The following USP9X variants were observed in gnomAD, a reference collection of about 807,000 sequenced individuals.
The protein encoded by USP9X is ubiquitin specific peptidase 9 X-linked.
A neutral mutation model predicts 190.3 loss-of-function variants in USP9X; 7 were observed. The ratio of observed to expected loss-of-function variants is 0.04; its 90% CI spans 0.02 to 0.07. The LOEUF (loss-of-function observed/expected upper bound fraction) is 0.07. Ranked by LOEUF, USP9X falls within the 10% of genes least tolerant of loss-of-function variation. The pLI is 1.00. For synonymous variants in USP9X, 645 were observed against 659.5 expected, an observed-to-expected ratio of 0.98 and a Z score of 0.34; for missense variants, 1,010 against 1,916.9, an observed-to-expected ratio of 0.53 and a Z score of 8.83.
chrX:41,228,650 TC>T (rs1464462848), intron 41 of USP9X, among the ~76,000 whole-genome samples: 3 of 111,955 alleles, frequency 2.7e-5, no homozygotes, highest in Admixed American at 1.9e-4. Flanking sequence ...TTTGCATTAC[TC>T]TCGAGTGTCC....
rs1311837686 is a variant in USP9X, at chrX:41,091,060, CAT to C, written c.-159+4954_-159+4955del. Among the ~76,000 whole-genome samples the C allele has an allele frequency of 2.7e-5, 3 of 111,438 alleles. No individual in the cohort carries two copies. The South Asian group carries it at 1.1e-3, about 42-fold the overall frequency. ...GAGATTACTGTTGTCTAGAAGCTAA[CAT>C]ATGAAGTGAGGTGGGCTGGACTAGC... On this transcript the variant is annotated intron_variant, in intron 1 of 44. Transcript: ENST00000378308.
intron 11 of USP9X, among the ~76,000 whole-genome samples, chrX:41,148,000 C>T (rs1263354422): frequency 9.0e-6 from 1 of 111,305 alleles, no homozygotes; most frequent in East Asian, 2.8e-4. Context: ...ACTCATAAAA[C>T]TTTTCCCATA....
chrX:41,216,456 TGAGTTGATAAGA>T lies in USP9X; in HGVS notation c.5890_5901del (p.Glu1964_Arg1967del). On this transcript the variant is annotated inframe_deletion, in exon 35 of 45. Coordinates refer to ENST00000378308, the MANE Select transcript of USP9X (RefSeq NM_001039591.3). ...GAATGGACACAATAGACCAAGATGA[TGAGTTGATAAGA>T]TATATATCAGAGCTTGCTATCACCA... The T allele has an allele frequency of 8.3e-7, 1 of 1,211,228 alleles. No homozygotes were observed. The highest frequency in any genetic ancestry group is 1.1e-6 in the Non-Finnish European group (1 of 895,394).
Position 41,170,452 on chromosome X carries a change from A to G in USP9X, c.2878-18A>G. ...ATTTTTCCTTGTTTTTGATATTAAC[A>G]TAGTATATAATTTTCAGCTTATTAC... On this transcript the variant is annotated intron_variant, in intron 19 of 44. Transcript: ENST00000378308. The G allele has an allele frequency of 8.3e-7, 1 of 1,202,915 alleles. No homozygotes were observed. Among genetic ancestry groups the G allele is most frequent in the Non-Finnish European group, 1.1e-6 (1 of 889,309 alleles).
Position 41,189,164 on chromosome X carries a change from G to A in USP9X, c.3811-145G>A, listed in dbSNP as rs747429851. 108 of 470,774 alleles carry A rather than the reference G, an allele frequency of 2.3e-4. No homozygotes were observed. The South Asian group carries it at 3.7e-3, about 16-fold the overall frequency. 38.8% of individuals were successfully genotyped at this position (470,774 alleles called of 1,213,427 possible). On this transcript the variant is annotated intron_variant, in intron 25 of 44. Transcript: ENST00000378308. ...GTCATTTCCAGACTATTCCAAAGGG[G>A]CCTCAAGAGTTAACATGCAGCCATG... is the stretch of plus-strand genomic sequence containing the variant.
chrX:41,157,226 C>T (rs1316152664), intron 14 of USP9X, among the ~76,000 whole-genome samples: 1 of 111,038 alleles, frequency 9.0e-6, no homozygotes, highest in Non-Finnish European at 1.9e-5. Flanking sequence ...TACATGTATC[C>T]CTGGCAGTCT....
chrX:41,233,723 G>A lies in USP9X; in HGVS notation c.*1199G>A, dbSNP rs954908101. Reference sequence around the variant, plus strand: ...CAAAACGTTTAACGTTCAAAGCAGGGTCTCATTAAAAAAGAAACTACTGGT... The same window carrying A: ...CAAAACGTTTAACGTTCAAAGCAGGATCTCATTAAAAAAGAAACTACTGGT... On this transcript the variant is annotated 3_prime_UTR_variant, in exon 45 of 45. Coordinates refer to ENST00000378308, the MANE Select transcript of USP9X (RefSeq NM_001039591.3). The A allele has an allele frequency of 3.6e-5, 4 of 111,735 alleles. No individual in the cohort carries two copies. Among genetic ancestry groups the A allele is most frequent in the African/African-American group, 1.3e-4 (4 of 30,697 alleles). The allele number at this position is 111,735 out of a possible 1,213,427, so 9.2% of individuals were successfully genotyped here.
At chrX:41,146,474 G>A (rs1230288199) in intron 11 of USP9X, among the ~76,000 whole-genome samples, 5 of 111,749 alleles carry the variant, frequency 4.5e-5, no homozygotes, top group African/African-American at 1.6e-4. Context: ...CTAGAGCCTA[G>A]TTTTTAAACA....
intron 1 of USP9X, among the ~76,000 whole-genome samples, chrX:41,092,182 T>G (rs948192508): frequency 1.8e-5 from 2 of 111,741 alleles, no homozygotes; most frequent in African/African-American, 3.3e-5. Context: ...GCATATTAGA[T>G]CCCATCTTCT....
At chrX:41,114,860 G>T (rs766679116) in intron 1 of USP9X, among the ~76,000 whole-genome samples, 1 of 110,551 alleles carries the variant, frequency 9.0e-6, no homozygotes, top group Admixed American at 9.7e-5. Flanking sequence ...TATGTTAGTC[G>T]CCTCTTTATG....
At chrX:41,113,963 A>G (rs982596684) in intron 1 of USP9X, among the ~76,000 whole-genome samples, 5 of 112,899 alleles carry the variant, frequency 4.4e-5, no homozygotes, top group Non-Finnish European at 9.4e-5. Context: ...AAATGTAAAG[A>G]TGGATTAAGT....
intron 29 of USP9X, among the ~76,000 whole-genome samples, chrX:41,197,871 G>T (rs1303292548): frequency 9.1e-6 from 1 of 109,653 alleles, no homozygotes; most frequent in East Asian, 2.9e-4. Flanking sequence ...AAAATTGCCA[G>T]GTGTGGTGGC....
At chrX:41,132,176 C>T (rs968721869) in intron 4 of USP9X, among the ~76,000 whole-genome samples, 1 of 110,894 alleles carries the variant, frequency 9.0e-6, no homozygotes, top group African/African-American at 3.3e-5. Context: ...GCTTTGTCAC[C>T]CAGGCTGGAG....
At chrX:41,178,084 CTTTTTTTTTTTTTTTT>C (rs758055868) in intron 21 of USP9X, among the ~76,000 whole-genome samples, 2 of 34,294 alleles carry the variant, frequency 5.8e-5, no homozygotes, top group Non-Finnish European at 9.9e-5. Flanking sequence ...AGGTTTAAAT[CTTTTTTTTTTTTTTTT>C]TTTTTTTTTT....
intron 1 of USP9X, among the ~76,000 whole-genome samples, chrX:41,094,454 G>A (rs1326842605): frequency 1.2e-4 from 13 of 109,699 alleles, no homozygotes; most frequent in African/African-American, 4.3e-4. Context: ...GGGATTACAG[G>A]TGTGAGCCAC....
intron 1 of USP9X, among the ~76,000 whole-genome samples, chrX:41,105,938 C>T (rs2062065629): frequency 8.9e-6 from 1 of 111,976 alleles, no homozygotes; most frequent in South Asian, 3.6e-4. Flanking sequence ...ATGTCTTACA[C>T]ATTCAGATCC....
intron 1 of USP9X, among the ~76,000 whole-genome samples, chrX:41,088,328 G>A (rs1309998447): frequency 9.0e-6 from 1 of 111,518 alleles, no homozygotes; most frequent in Non-Finnish European, 1.9e-5. Context: ...AATATCTTAA[G>A]GTATGAGATT....
In USP9X at chrX:41,131,511, A is replaced by G. The variant is rs1179871047; in HGVS notation, c.297A>G (p.Glu99=). ...AAGGGGAATTAGAAGTGCTTTTAGA[A>G]GCTGCTATTGATCTTAGTAAAAAGG... The part of the protein sequence containing the change: ...LPKGELEVLL[E]AAIDLSKKGL... Residue 99 remains glutamate, a synonymous_variant, in exon 4 of 45, where the codon GAA becomes GAG. Transcript: ENST00000378308. 8.3e-7 allele frequency: 1 copy of G among 1,208,667 alleles called. No individual in the cohort carries two copies. Among genetic ancestry groups the G allele is most frequent in the Admixed American group, 2.2e-5 (1 of 45,923 alleles).
At chrX:41,156,284 G>A (rs955672986) in intron 14 of USP9X, among the ~76,000 whole-genome samples, 6 of 112,023 alleles carry the variant, frequency 5.4e-5, no homozygotes, top group Non-Finnish European at 9.4e-5. Context: ...CAGCTTTCTT[G>A]TGTGGAAACT....
Sources: allele counts gnomAD v4.1 joint callset (sites outside exome capture counted in the v4.1 genomes callset), GRCh38; gene constraint gnomAD v4.1.1; transcripts MANE v1.5; gene names NCBI Gene and HGNC (gene_info 2026-07-23, HGNC 2026-07-21).